Variants in GABRG3 observed in about 807,000 individuals in gnomAD.
GABRG3 encodes gamma-aminobutyric acid type A receptor subunit gamma3.
Under a neutral mutation model 48.8 loss-of-function variants are expected in GABRG3, and 25 were observed. The ratio of observed to expected loss-of-function variants is 0.51; its 90% CI spans 0.37 to 0.72. The LOEUF (loss-of-function observed/expected upper bound fraction) is 0.72. GABRG3 is among the 30% of genes least tolerant of loss of function. The pLI, the probability that GABRG3 is intolerant of heterozygous loss-of-function variation, is 0.00. For synonymous variants in GABRG3, 227 were observed against 217.6 expected, an observed-to-expected ratio of 1.04 and a Z score of -0.38; for missense variants, 394 against 577.9, an observed-to-expected ratio of 0.68 and a Z score of 3.26.
chr15:27,166,256 A>T (rs2140407409), intron 3 of GABRG3, among the ~76,000 whole-genome samples: 1 of 152,324 alleles, frequency 6.6e-6, no homozygotes, highest in Non-Finnish European at 1.5e-5. Context: ...GTACAAAAAG[A>T]AGTGTATTCT....
intron 3 of GABRG3, among the ~76,000 whole-genome samples, chr15:27,246,889 A>G (rs1488929576): frequency 1.3e-5 from 2 of 152,162 alleles, no homozygotes; most frequent in Non-Finnish European, 2.9e-5. Context: ...GTGATTTGCA[A>G]ATGTTTCTTG....
At chr15:27,171,042 G>A (rs931803589) in intron 3 of GABRG3, among the ~76,000 whole-genome samples, 2 of 152,168 alleles carry the variant, frequency 1.3e-5, no homozygotes. Flanking sequence ...AGCAGGGAGC[G>A]GGGCACTGTC....
At chr15:27,479,308 G>C (rs965332024) in intron 5 of GABRG3, among the ~76,000 whole-genome samples, 1 of 152,256 alleles carries the variant, frequency 6.6e-6, no homozygotes, top group Non-Finnish European at 1.5e-5. Context: ...GACAGTGTTT[G>C]ATTCCTTCAT....
At chr15:27,013,506 CAT>C (rs1347880365) in intron 2 of GABRG3, among the ~76,000 whole-genome samples, 6 of 152,026 alleles carry the variant, frequency 3.9e-5, no homozygotes, top group African/African-American at 1.4e-4. Context: ...TTTTTGGTCT[CAT>C]ATTTAGGCTT....
At chr15:27,439,746 AT>A (rs1888726800) in intron 5 of GABRG3, among the ~76,000 whole-genome samples, 1 of 152,000 alleles carries the variant, frequency 6.6e-6, no homozygotes, top group South Asian at 2.1e-4. Context: ...GGCACGTTCT[AT>A]TTTTTTCTCT....
chr15:27,449,882 A>C (rs1011354812), intron 5 of GABRG3, among the ~76,000 whole-genome samples: 1 of 152,270 alleles, frequency 6.6e-6, no homozygotes, highest in African/African-American at 2.4e-5. Flanking sequence ...CTCTCTCAGT[A>C]GAAAATGAAA....
At chr15:27,324,860 C>T (rs1345848652) in intron 3 of GABRG3, among the ~76,000 whole-genome samples, 1 of 152,226 alleles carries the variant, frequency 6.6e-6, no homozygotes, top group East Asian at 1.9e-4. Context: ...TTGGGCCCTA[C>T]AGCTTTCAGT....
At chr15:27,008,757 C>A (rs1008489316) in intron 2 of GABRG3, among the ~76,000 whole-genome samples, 1 of 152,054 alleles carries the variant, frequency 6.6e-6, no homozygotes, top group Admixed American at 6.5e-5. Context: ...GTAAATGGCA[C>A]CCGCAGAGCA....
intron 3 of GABRG3, among the ~76,000 whole-genome samples, chr15:27,108,977 G>A (rs1217665125): frequency 1.3e-5 from 2 of 152,058 alleles, no homozygotes; most frequent in East Asian, 1.9e-4. Context: ...GGGAGAGAAA[G>A]CAGCTAAGAG....
chr15:27,170,002 G>T (rs1887511496), intron 3 of GABRG3, among the ~76,000 whole-genome samples: 1 of 152,170 alleles, frequency 6.6e-6, no homozygotes, highest in South Asian at 2.1e-4. Flanking sequence ...ATAAAGGTCA[G>T]ATAAAGCTAT....
intron 3 of GABRG3, among the ~76,000 whole-genome samples, chr15:27,258,100 G>A (rs966828972): frequency 4.6e-5 from 7 of 152,202 alleles, no homozygotes; most frequent in African/African-American, 1.7e-4. Flanking sequence ...GGGTAATGAC[G>A]GGCTGAGGGG....
At chr15:27,253,444 C>T (rs911110706) in intron 3 of GABRG3, among the ~76,000 whole-genome samples, 3 of 152,182 alleles carry the variant, frequency 2.0e-5, no homozygotes, top group Admixed American at 6.5e-5. Context: ...CTCAGCTGGC[C>T]CATTTGTCTC....
chr15:27,528,509 CTATT>C (rs1595813524), intron 9 of GABRG3, among the ~76,000 whole-genome samples: 1 of 152,196 alleles, frequency 6.6e-6, no homozygotes, highest in East Asian at 1.9e-4. Flanking sequence ...ATACCTGTGA[CTATT>C]TATTTGGTTA....
intron 3 of GABRG3, among the ~76,000 whole-genome samples, chr15:27,188,312 C>T (rs1323184695): frequency 6.6e-6 from 1 of 152,160 alleles, no homozygotes; most frequent in Non-Finnish European, 1.5e-5. Flanking sequence ...CACTGACTTC[C>T]ACAATGGTTG....
intron 5 of GABRG3, among the ~76,000 whole-genome samples, chr15:27,358,331 A>T (rs1203705236): frequency 6.6e-6 from 1 of 152,218 alleles, no homozygotes; most frequent in Non-Finnish European, 1.5e-5. Flanking sequence ...AAGGATAATT[A>T]TGGATGAATA....
intron 5 of GABRG3, among the ~76,000 whole-genome samples, chr15:27,395,119 A>G (rs1887261785): frequency 6.6e-6 from 1 of 152,118 alleles, no homozygotes; most frequent in Admixed American, 6.6e-5. Flanking sequence ...GGTGTCTCCC[A>G]GTCTCTGAGG....
chr15:27,261,171 T>A (rs1363981823), intron 3 of GABRG3, among the ~76,000 whole-genome samples: 1 of 152,162 alleles, frequency 6.6e-6, no homozygotes, highest in Non-Finnish European at 1.5e-5. Context: ...AAGGTCAGCT[T>A]ATTCTATTGC....
In GABRG3 at chr15:27,152,366, G is replaced by A. The variant is rs1595554100; in HGVS notation, c.270+125545G>A. Among the ~76,000 whole-genome samples the A allele has an allele frequency of 2.0e-5, 3 of 151,994 alleles. No individual in the cohort carries two copies. The East Asian group carries it at 5.8e-4, about 29-fold the overall frequency. ...TTGTTTTCCTCCACCAGTACCAAAA[G>A]GTTTTGTTTACCATAGTTATTAAAA... On this transcript the variant is annotated intron_variant, in intron 3 of 9. Transcript: ENST00000615808.
intron 9 of GABRG3, among the ~76,000 whole-genome samples, chr15:27,529,981 C>A (rs1891382451): frequency 6.6e-6 from 1 of 151,560 alleles, no homozygotes; most frequent in South Asian, 2.1e-4. Flanking sequence ...GGTGCCAGGC[C>A]TGGTGAGAAG....
Sources: allele counts gnomAD v4.1 joint callset (sites outside exome capture counted in the v4.1 genomes callset), GRCh38; gene constraint gnomAD v4.1.1; transcripts MANE v1.5; gene names NCBI Gene and HGNC (gene_info 2026-07-23, HGNC 2026-07-21).